Variants in BCL2L11 observed in about 807,000 individuals in gnomAD.
The protein encoded by BCL2L11 is BCL2 like 11, also known as bcl-2-like protein 11.
In BCL2L11, 15 loss-of-function variants were observed where a neutral mutation model predicts 20.6. That is an observed-to-expected ratio of 0.73 (90% CI 0.49 to 1.12). BCL2L11 has a LOEUF of 1.12. Among genes scored for constraint, BCL2L11 ranks in the 50% most tolerant of loss-of-function variants. BCL2L11 has a pLI of 0.00. For missense variants in BCL2L11, 292 were observed against 260.9 expected, an observed-to-expected ratio of 1.12 and a Z score of -0.82; for synonymous variants, 108 against 92.8, an observed-to-expected ratio of 1.16 and a Z score of -0.94.
intron 2 of BCL2L11, among the ~76,000 whole-genome samples, chr2:111,137,878 A>G (rs750794748): frequency 6.6e-6 from 1 of 152,108 alleles, no homozygotes; most frequent in Non-Finnish European, 1.5e-5. Flanking sequence ...ATTATTTATG[A>G]TAGTCTAGTT....
At chr2:111,126,154 C>T (rs2150213649) in intron 2 of BCL2L11, among the ~76,000 whole-genome samples, 1 of 152,250 alleles carries the variant, frequency 6.6e-6, no homozygotes, top group South Asian at 2.1e-4. Context: ...AATAGTTTCT[C>T]CTTCCCTGGA....
At chr2:111,146,937 A>T (rs1387797653) in intron 2 of BCL2L11, among the ~76,000 whole-genome samples, 1 of 152,202 alleles carries the variant, frequency 6.6e-6, no homozygotes, top group African/African-American at 2.4e-5. Context: ...TTTTAGGTTT[A>T]TAAATTCAGG....
intron 2 of BCL2L11, among the ~76,000 whole-genome samples, chr2:111,124,346 A>G (rs1175463401): frequency 2.0e-5 from 3 of 149,584 alleles, no homozygotes; most frequent in Non-Finnish European, 4.4e-5. Context: ...GCTGGAGTGC[A>G]GTGGTGCAAT....
At position 111,134,456 on chromosome 2, in the gene BCL2L11, C is replaced by T. The variant is rs115894892; in HGVS notation, c.394+10317C>T. Among the ~76,000 whole-genome samples the T allele has an allele frequency of 1.5e-3, 226 of 152,228 alleles. 2 individuals carry two copies. Among genetic ancestry groups the T allele is most frequent in the African/African-American group, 5.1e-3 (211 of 41,520 alleles). ...AGAAACCTTACTTTTCTTTAGGCTC[C>T]GTTAGCCCCATTTTTCCAATATAAT... On this transcript the variant is annotated intron_variant, in intron 2 of 3. Coordinates refer to ENST00000393256, the MANE Select transcript of BCL2L11 (RefSeq NM_138621.5).
chr2:111,127,546 G>T (rs1195165150), intron 2 of BCL2L11, among the ~76,000 whole-genome samples: 1 of 151,662 alleles, frequency 6.6e-6, no homozygotes, highest in South Asian at 2.1e-4. Context: ...GCTAGCGAGT[G>T]CCTGACAAAG....
intron 3 of BCL2L11, among the ~76,000 whole-genome samples, chr2:111,158,349 A>G (rs961961156): frequency 6.6e-6 from 1 of 152,066 alleles, no homozygotes; most frequent in Admixed American, 6.6e-5. Flanking sequence ...GTGTCCCTAA[A>G]GATGCCGTGA....
intron 1 of BCL2L11, chr2:111,122,558 G>C: frequency 1.0e-6 from 1 of 965,090 alleles, no homozygotes; most frequent in Non-Finnish European, 1.2e-6. Context: ...CGGACCAATT[G>C]GGAACGCGGG....
intron 2 of BCL2L11, among the ~76,000 whole-genome samples, chr2:111,149,440 T>C (rs1301722752): frequency 6.6e-6 from 1 of 152,230 alleles, no homozygotes; most frequent in Non-Finnish European, 1.5e-5. Flanking sequence ...GCATTAATAT[T>C]GAGACAAAAC....
At chr2:111,147,697 G>A (rs1469995504) in intron 2 of BCL2L11, among the ~76,000 whole-genome samples, 1 of 152,228 alleles carries the variant, frequency 6.6e-6, no homozygotes, top group African/African-American at 2.4e-5. Context: ...GCCAGCCCAA[G>A]CACGAGCCAT....
intron 3 of BCL2L11, chr2:111,161,608 C>T: frequency 2.0e-6 from 3 of 1,489,402 alleles, no homozygotes; most frequent in South Asian, 1.3e-5. Flanking sequence ...CTGCAAATGA[C>T]AGCTCCTGGC....
chr2:111,128,603 CTTTT>C (rs58812324), intron 2 of BCL2L11: 155 of 1,401,262 alleles, frequency 1.1e-4, no homozygotes, highest in Admixed American at 4.7e-4. Context: ...CTTACCAACA[CTTTT>C]TTTTTTTTTT....
chr2:111,133,053 GA>G (rs1210913846), intron 2 of BCL2L11, among the ~76,000 whole-genome samples: 1 of 152,016 alleles, frequency 6.6e-6, no homozygotes, highest in Non-Finnish European at 1.5e-5. Flanking sequence ...CTGAACAAAA[GA>G]AAACAGATTC....
rs2070782022 is a variant in BCL2L11 at position 111,121,013 on chromosome 2, G to GCCACTACCA, written c.-187_-186insACTACCACC. On this transcript the variant is annotated 5_prime_UTR_variant, in exon 1 of 4. Coordinates refer to ENST00000393256, the MANE Select transcript of BCL2L11 (RefSeq NM_138621.5). ...CGCCGCCGCCGCCGCCGCCGCCGCC[G>GCCACTACCA]CCGCCGCCACTACCACCACTTGATT... 2.8e-5 allele frequency: 11 copies of GCCACTACCA among 392,376 alleles called. No homozygotes were observed. Among genetic ancestry groups the GCCACTACCA allele is most frequent in the South Asian group, 1.2e-4 (3 of 24,918 alleles). 24.3% of individuals were successfully genotyped at this position (392,376 alleles called of 1,614,324 possible). A position where few individuals can be genotyped will look rare whatever the true frequency, so the allele number is the denominator to read the frequency against.
chr2:111,123,686 A>ATT (rs372903612), intron 1 of BCL2L11, 47 bp from the exon 2 acceptor site: 314 of 1,079,986 alleles, frequency 2.9e-4, no homozygotes, highest in Admixed American at 7.4e-4. Flanking sequence ...TTATTCATCG[A>ATT]TTTTTTTTTT....
intron 3 of BCL2L11, among the ~76,000 whole-genome samples, chr2:111,155,579 C>T (rs1363884262): frequency 6.6e-6 from 1 of 152,170 alleles, no homozygotes; most frequent in Non-Finnish European, 1.5e-5. Context: ...CCCTCCATAA[C>T]CCCTAATACT....
chr2:111,128,875 C>A (rs2073270942), intron 2 of BCL2L11: 2 of 1,369,642 alleles, frequency 1.5e-6, no homozygotes, highest in Non-Finnish European at 1.9e-6. Flanking sequence ...CCTTTTTAAA[C>A]ATGGCTACTA....
chr2:111,136,805 G>T (rs767165372), intron 2 of BCL2L11, among the ~76,000 whole-genome samples: 1 of 152,166 alleles, frequency 6.6e-6, no homozygotes, highest in African/African-American at 2.4e-5. Context: ...GGCATGTAAC[G>T]TTTATACCAT....
intron 2 of BCL2L11, among the ~76,000 whole-genome samples, chr2:111,146,847 T>A (rs894558486): frequency 2.6e-5 from 4 of 152,210 alleles, no homozygotes; most frequent in African/African-American, 7.2e-5. Flanking sequence ...ATAAGAGTTT[T>A]TATCATATAG....
At chr2:111,151,186 G>A (rs2077212717) in intron 3 of BCL2L11, among the ~76,000 whole-genome samples, 2 of 152,178 alleles carry the variant, frequency 1.3e-5, no homozygotes, top group Admixed American at 6.5e-5. Context: ...ACAGGTGTGA[G>A]CCTCTGCGCC....
Sources: gnomAD v4.1 joint callset for allele counts (sites outside exome capture counted in the v4.1 genomes callset) on GRCh38, gnomAD v4.1.1 for gene constraint, MANE v1.5 for transcripts, NCBI Gene and HGNC (gene_info 2026-07-23, HGNC 2026-07-21) for gene names.